Variants in SCGB2A1 observed in about 807,000 individuals in gnomAD.
The protein encoded by SCGB2A1 is secretoglobin family 2A member 1.
In SCGB2A1, 6 loss-of-function variants were observed where a neutral mutation model predicts 9.2. The ratio of observed to expected loss-of-function variants is 0.66; its 90% CI spans 0.36 to 1.29. The LOEUF is 1.29. Among genes scored for constraint, SCGB2A1 ranks in the 50% most tolerant of loss-of-function variants. The pLI is 0.03. For missense variants in SCGB2A1, 138 were observed against 116.9 expected, an observed-to-expected ratio of 1.18 and a Z score of -0.83; for synonymous variants, 37 against 41.0, an observed-to-expected ratio of 0.90 and a Z score of 0.37.
intron 2 of SCGB2A1, among the ~76,000 whole-genome samples, chr11:62,213,091 C>CACATATATATATATATATAT (rs57411910): frequency 7.2e-5 from 1 of 13,856 alleles, no homozygotes; most frequent in African/African-American, 1.4e-4. Flanking sequence ...CATATATACA[C>CACATATATATATATATATAT]ATATATATAT....
intron 2 of SCGB2A1, among the ~76,000 whole-genome samples, chr11:62,212,560 A>G (rs1944838838): frequency 6.6e-6 from 1 of 151,888 alleles, no homozygotes; most frequent in Admixed American, 6.6e-5. Context: ...ACTTGAAGCC[A>G]GGAGGCAGAG....
In SCGB2A1 at chr11:62,213,020, A is replaced by ACATGCACATATG. The variant is rs1565121421; in HGVS notation, c.244-706_244-705insCATGCACATATG. ...TATATGTACACATATATGCACATAT[A>ACATGCACATATG]TACATATATACACACATATATACAT... is the stretch of plus-strand genomic sequence containing the variant. On this transcript the variant is annotated intron_variant, in intron 2 of 2. Transcript: ENST00000244930. Among the ~76,000 whole-genome samples the ACATGCACATATG allele has an allele frequency of 7.8e-4, 111 of 142,762 alleles. 1 individual carries two copies. The highest frequency in any genetic ancestry group is 2.9e-3 in the African/African-American group (108 of 37,654). 93.7% of individuals were successfully genotyped at this position (142,762 alleles called of 152,430 possible).
intron 2 of SCGB2A1, among the ~76,000 whole-genome samples, chr11:62,212,848 G>A (rs539343827): frequency 3.9e-4 from 59 of 151,158 alleles, no homozygotes; most frequent in Non-Finnish European, 6.0e-4. Flanking sequence ...TGATCCTCCC[G>A]CTTCAGCCTC....
At position 62,210,550 on chromosome 11, in the gene SCGB2A1, T is replaced by C. The variant is rs201758563; in HGVS notation, c.193T>C (p.Cys65Arg). ...AGAGGCTATGGGGAAATTCAAGCAG[T>C]GTTTCCTCAACCAGTCACATAGAAC... ...AAEAMGKFKQ[C>R]FLNQSHRTLK... The change falls in exon 2 of 3, where the codon TGT becomes CGT. Residue 65 changes from cysteine (C) to arginine (R), a missense_variant. By Grantham distance (180) the Cys-to-Arg change is radical. Transcript: ENST00000244930. 6.3e-7 allele frequency: 1 copy of C among 1,580,188 alleles called. No individual in the cohort carries two copies. Among genetic ancestry groups the C allele is most frequent in the Non-Finnish European group, 8.6e-7 (1 of 1,169,564 alleles).
chr11:62,208,684 C>A lies in SCGB2A1; in HGVS notation c.-48C>A, dbSNP rs1944803340. ...GGGTACTCACCTCCACAGCAACTTC[C>A]TTGATCCCTGCCACGCACGACTGAA... On this transcript the variant is annotated 5_prime_UTR_variant, in exon 1 of 3. Coordinates refer to ENST00000244930, the MANE Select transcript of SCGB2A1 (RefSeq NM_002407.3). 6.2e-7 allele frequency: 1 copy of A among 1,605,278 alleles called. No individual in the cohort carries two copies. Among genetic ancestry groups the A allele is most frequent in the Non-Finnish European group, 8.5e-7 (1 of 1,173,110 alleles).
At chr11:62,212,991 T>C (rs1053310293) in intron 2 of SCGB2A1, among the ~76,000 whole-genome samples, 6 of 130,128 alleles carry the variant, frequency 4.6e-5, no homozygotes, top group African/African-American at 1.9e-4. Flanking sequence ...CACATATACA[T>C]GCATATATGT....
chr11:62,212,727 C>T (rs1024809232), intron 2 of SCGB2A1, among the ~76,000 whole-genome samples: 6 of 151,810 alleles, frequency 4.0e-5, no homozygotes, highest in African/African-American at 1.2e-4. Context: ...TTCTTGTTTC[C>T]GTTTTTTTGT....
intron 2 of SCGB2A1, among the ~76,000 whole-genome samples, chr11:62,212,504 G>A (rs984251704): frequency 6.6e-5 from 10 of 151,598 alleles, no homozygotes; most frequent in African/African-American, 2.2e-4. Flanking sequence ...GCGTGGTGGC[G>A]CACACCTGTA....
intron 2 of SCGB2A1, among the ~76,000 whole-genome samples, chr11:62,213,083 TATATACAC>T (rs1389618535): frequency 2.4e-4 from 4 of 16,784 alleles, no homozygotes; most frequent in Non-Finnish European, 1.6e-3. Flanking sequence ...TATATACACA[TATATACAC>T]ATATATATAT....
chr11:62,211,856 T>C (rs1027923387), intron 2 of SCGB2A1, among the ~76,000 whole-genome samples: 3 of 152,198 alleles, frequency 2.0e-5, no homozygotes, highest in African/African-American at 7.2e-5. Context: ...AAAACAAAAG[T>C]CAGTGGTTAT....
intron 2 of SCGB2A1, 81 bp downstream of exon 2, chr11:62,210,681 C>T: frequency 9.2e-7 from 1 of 1,092,666 alleles, no homozygotes; most frequent in Middle Eastern, 2.5e-4. Context: ...CCAAGAATGC[C>T]AAGCAACTGG....
intron 2 of SCGB2A1, among the ~76,000 whole-genome samples, chr11:62,213,106 A>ATATATATATCTTTT (rs67975205): frequency 8.6e-6 from 1 of 116,252 alleles, no homozygotes; most frequent in Non-Finnish European, 1.7e-5. Flanking sequence ...ATATATATAT[A>ATATATATATCTTTT]TTTTTTTTTT....
At position 62,213,110 on chromosome 11, in the gene SCGB2A1, T is replaced by A. The variant is rs961653333; in HGVS notation, c.244-616T>A. On this transcript the variant is annotated intron_variant, in intron 2 of 2. Coordinates refer to ENST00000244930, the MANE Select transcript of SCGB2A1 (RefSeq NM_002407.3). The stretch of plus-strand genomic sequence containing the variant: ...TATACACATATATATATATATATTT[T>A]TTTTTTTGTAGAGATGGCATTTTGT... 3.1e-5 allele frequency among the ~76,000 whole-genome samples: 3 copies of A among 97,576 alleles called. 1 individual carries two copies. The highest frequency in any genetic ancestry group is 1.0e-4 in the African/African-American group (3 of 29,764). The allele number at this position is 97,576 out of a possible 152,430, so 64.0% of individuals were successfully genotyped here. A position where few individuals can be genotyped will look rare whatever the true frequency, so the allele number is the denominator to read the frequency against.
chr11:62,210,609 G>C lies in SCGB2A1; in HGVS notation c.243+9G>C, dbSNP rs1347053079. 5 of 1,525,602 alleles carry C rather than the reference G, an allele frequency of 3.3e-6. No homozygotes were observed. Among genetic ancestry groups the C allele is most frequent in the Non-Finnish European group, 4.4e-6 (5 of 1,145,308 alleles). The allele number at this position is 1,525,602 out of a possible 1,614,324, so 94.5% of individuals were successfully genotyped here. A position where few individuals can be genotyped will look rare whatever the true frequency, so the allele number is the denominator to read the frequency against. ...ACTTTGGACTGATGATGGTAATTTG[G>C]GTTTCTTCTTATGTACCCTTTGAAA... On this transcript the variant is annotated intron_variant, in intron 2 of 2. Transcript: ENST00000244930.
At position 62,213,106 on chromosome 11, in the gene SCGB2A1, A is replaced by ATTTTTTTTTT. The variant is rs1554985926; in HGVS notation, c.244-618_244-609dup. On this transcript the variant is annotated intron_variant, in intron 2 of 2. Coordinates refer to ENST00000244930, the MANE Select transcript of SCGB2A1 (RefSeq NM_002407.3). ...CATATATACACATATATATATATAT[A>ATTTTTTTTTT]TTTTTTTTTTTGTAGAGATGGCATT... 4.3e-5 allele frequency among the ~76,000 whole-genome samples: 5 copies of ATTTTTTTTTT among 116,250 alleles called. 1 individual carries two copies. The highest frequency in any genetic ancestry group is 1.9e-4 in the Admixed American group (2 of 10,430). The allele number at this position is 116,250 out of a possible 152,430, so 76.3% of individuals were successfully genotyped here.
chr11:62,212,932 ATACACACATATG>A (rs1370983872), intron 2 of SCGB2A1, among the ~76,000 whole-genome samples: 26 of 141,128 alleles, frequency 1.8e-4, no homozygotes, highest in African/African-American at 6.7e-4. Flanking sequence ...ACACACATAT[ATACACACATATG>A]TACACACATA....
chr11:62,210,211 G>A (rs1404768329), intron 1 of SCGB2A1, among the ~76,000 whole-genome samples: 1 of 152,116 alleles, frequency 6.6e-6, no homozygotes, highest in Non-Finnish European at 1.5e-5. Flanking sequence ...TCTGGGTTTG[G>A]AAGGTCAGAG....
rs761829763 is a variant in SCGB2A1 at position 62,210,506 on chromosome 11, T to C, written c.149T>C (p.Ile50Thr). The change falls in exon 2 of 3, where the codon ATA becomes ACA. Residue 50 changes from isoleucine to threonine, a missense_variant. Ile to Thr is a moderately conservative substitution (Grantham distance 89). Transcript: ENST00000244930. ...PEYKELLQEF[I>T]DSDAAAEAMG... ...TACAAAGAGCTTCTTCAAGAGTTCA[T>C]AGACAGTGATGCCGCTGCAGAGGCT... The C allele has an allele frequency of 1.3e-6, 2 of 1,597,690 alleles. No individual in the cohort carries two copies. The highest frequency in any genetic ancestry group is 1.4e-5 in the African/African-American group (1 of 73,740).
In SCGB2A1 at chr11:62,213,931, C is replaced by T. The variant is rs1590656314; in HGVS notation, c.*161C>T. ...CATTTCCATTTCAATAAACTAACTG[C>T]AAATCACTAAAATTCTTTCTTGTTC... is the stretch of plus-strand genomic sequence containing the variant. On this transcript the variant is annotated 3_prime_UTR_variant, in exon 3 of 3. Transcript: ENST00000244930. 1 of 559,286 alleles carries T rather than the reference C, an allele frequency of 1.8e-6. No individual in the cohort carries two copies. The highest frequency in any genetic ancestry group is 3.1e-6 in the Non-Finnish European group (1 of 318,676). 34.6% of individuals were successfully genotyped at this position (559,286 alleles called of 1,614,324 possible). A position where few individuals can be genotyped will look rare whatever the true frequency, so the allele number is the denominator to read the frequency against.
Sources: allele counts gnomAD v4.1 joint callset (sites outside exome capture counted in the v4.1 genomes callset), GRCh38; gene constraint gnomAD v4.1.1; transcripts MANE v1.5; gene names NCBI Gene and HGNC (gene_info 2026-07-23, HGNC 2026-07-21).